DUT: variants seen among roughly 807,000 people sequenced by gnomAD.
DUT encodes deoxyuridine triphosphatase, also known as deoxyuridine 5'-triphosphate nucleotidohydrolase, mitochondrial.
DUT carries 21 observed loss-of-function variants against 28.8 expected under a neutral mutation model. The observed-to-expected ratio is 0.73, with a 90% CI of 0.52 to 1.05. The LOEUF is 1.05. DUT is among the 50% of genes least tolerant of loss of function. DUT has a pLI of 0.00. For missense variants in DUT, 344 were observed against 351.8 expected, an observed-to-expected ratio of 0.98 and a Z score of 0.18; for synonymous variants, 147 against 143.7, an observed-to-expected ratio of 1.02 and a Z score of -0.17.
Position 48,331,732 on chromosome 15 carries a change from G to C in DUT, c.217G>C (p.Val73Leu). 6.9e-7 allele frequency: 1 copy of C among 1,453,618 alleles called. No individual in the cohort carries two copies. The highest frequency in any genetic ancestry group is 9.1e-7 in the Non-Finnish European group (1 of 1,104,030). 90.0% of individuals were successfully genotyped at this position (1,453,618 alleles called of 1,614,324 possible). The change falls in exon 1 of 7, where the codon GTC becomes CTC. Residue 73 changes from valine (V) to leucine (L), a missense_variant. Physicochemically the swap from Val to Leu is conservative, Grantham distance 32. Coordinates refer to ENST00000331200, the MANE Select transcript of DUT (RefSeq NM_001025248.2). ...LSQGCRGAST[V>L]GAAGWKGELP... ...CCAAGGCTGCCGCGGAGCCAGTACAGTCGGGGCCGCTGGCTGGAAGGGCGA... is the reference window on the plus strand; with the variant it reads ...CCAAGGCTGCCGCGGAGCCAGTACACTCGGGGCCGCTGGCTGGAAGGGCGA...
At chr15:48,331,102 C>T, upstream of DUT, 3 of 1,439,328 alleles carry the variant, frequency 2.1e-6, no homozygotes, top group East Asian at 2.6e-5. Context: ...GGCGCAATAA[C>T]TGTCACCGGC....
At chr15:48,333,394 G>C (rs927496466) in intron 2 of DUT, among the ~76,000 whole-genome samples, 9 of 152,108 alleles carry the variant, frequency 5.9e-5, no homozygotes, top group African/African-American at 1.9e-4. Context: ...GTATATTTTG[G>C]AGCACTTTCT....
intron 2 of DUT, among the ~76,000 whole-genome samples, chr15:48,332,933 C>A (rs186772745): frequency 2.8e-4 from 42 of 152,314 alleles, no homozygotes; most frequent in Non-Finnish European, 2.9e-5. Flanking sequence ...TAAAAACTTT[C>A]CGTATGCTGT....
Position 48,331,790 on chromosome 15 carries a change from G to T in DUT, c.275G>T (p.Gly92Val). Residue 92 changes from glycine to valine, a missense_variant, in exon 1 of 7, where the codon GGG (glycine) becomes GTG (valine). Transcript: ENST00000331200. ...LPKAGGSPAP[G>V]PETPAISPSK... The stretch of plus-strand genomic sequence containing the variant: ...AAGGCGGGGGGAAGCCCGGCGCCGG[G>T]GCCGGGTAGGAAAGGCGGGGGAGGG... 1 of 1,373,676 alleles carries T rather than the reference G, an allele frequency of 7.3e-7. No individual in the cohort carries two copies. The highest frequency in any genetic ancestry group is 3.0e-5 in the East Asian group (1 of 33,240). 85.1% of individuals were successfully genotyped at this position (1,373,676 alleles called of 1,614,324 possible). A position where few individuals can be genotyped will look rare whatever the true frequency, so the allele number is the denominator to read the frequency against.
intron 4 of DUT, among the ~76,000 whole-genome samples, chr15:48,336,990 C>T (rs891676934): frequency 3.9e-5 from 6 of 152,308 alleles, no homozygotes; most frequent in African/African-American, 1.2e-4. Flanking sequence ...CAACTAAACA[C>T]GTCCAGAATT....
chr15:48,334,585 A>G lies in DUT; in HGVS notation c.511+77A>G, dbSNP rs554271316. 4 of 1,088,304 alleles carry G rather than the reference A, an allele frequency of 3.7e-6. No homozygotes were observed. In the South Asian group the frequency reaches 5.9e-5, roughly 16 times the overall value. The allele number at this position is 1,088,304 out of a possible 1,614,324, so 67.4% of individuals were successfully genotyped here. On this transcript the variant is annotated intron_variant, in intron 3 of 6. Coordinates refer to ENST00000331200, the MANE Select transcript of DUT (RefSeq NM_001025248.2). ...GATTCTTCATGTTTCATTTGGGGTA[A>G]TAAGCAGGCAATATTGCTTGGGCTG...
chr15:48,340,411 C>T (rs1000625389), intron 4 of DUT, among the ~76,000 whole-genome samples: 15 of 152,078 alleles, frequency 9.9e-5, no homozygotes, highest in African/African-American at 3.4e-4. Context: ...GGAATTGTAA[C>T]ACTTCAAATG....
intron 4 of DUT, among the ~76,000 whole-genome samples, chr15:48,337,107 A>G (rs2042484175): frequency 2.6e-5 from 4 of 152,156 alleles, no homozygotes; most frequent in Admixed American, 1.3e-4. Context: ...GTGTCTCTCC[A>G]TAGTGTCACC....
intron 1 of DUT, 118 bp from the exon 2 acceptor site, chr15:48,332,150 G>C: frequency 7.0e-7 from 1 of 1,422,848 alleles, no homozygotes; most frequent in Non-Finnish European, 9.2e-7. Flanking sequence ...GGTGGGGCGG[G>C]GCTGGCGGGA....
At chr15:48,332,607 C>T (rs1451861279) in intron 2 of DUT, 1 of 704,430 alleles carries the variant, frequency 1.4e-6, no homozygotes, top group Middle Eastern at 2.3e-4. Flanking sequence ...AGTAAAATAG[C>T]TATACGGTGT....
intron 4 of DUT, among the ~76,000 whole-genome samples, chr15:48,339,039 A>G (rs1187194023): frequency 6.6e-6 from 1 of 152,102 alleles, no homozygotes; most frequent in Non-Finnish European, 1.5e-5. Context: ...TGGGAGAATC[A>G]CTTGAGGTTG....
Position 48,334,528 on chromosome 15 carries a change from G to T in DUT, c.511+20G>T. ...GAGTGGGTAAGTCATTTAAGAAACA[G>T]GTAACTATTTGTCAAGTTCTCCTTT... On this transcript the variant is annotated intron_variant, in intron 3 of 6. Coordinates refer to ENST00000331200, the MANE Select transcript of DUT (RefSeq NM_001025248.2). 6.5e-7 allele frequency: 1 copy of T among 1,545,186 alleles called. No individual in the cohort carries two copies.
intron 4 of DUT, chr15:48,340,360 CTG>C (rs921540737): frequency 1.3e-5 from 2 of 152,064 alleles, no homozygotes; most frequent in African/African-American, 2.4e-5. Flanking sequence ...CTATAATTGA[CTG>C]TGACGATAGT....
intron 1 of DUT, 157 bp from the exon 2 acceptor site, chr15:48,332,111 C>T (rs2042420737): frequency 7.2e-7 from 1 of 1,385,396 alleles, no homozygotes; most frequent in Non-Finnish European, 9.4e-7. Context: ...TCAGCCAGAA[C>T]TGTGGACTCG....
intron 4 of DUT, among the ~76,000 whole-genome samples, chr15:48,336,915 T>C (rs942281432): frequency 6.6e-6 from 1 of 152,210 alleles, no homozygotes; most frequent in Non-Finnish European, 1.5e-5. Context: ...CTCTGTGTGA[T>C]TCCAGCCTCC....
chr15:48,339,672 G>A (rs947790075), intron 4 of DUT, among the ~76,000 whole-genome samples: 1 of 152,118 alleles, frequency 6.6e-6, no homozygotes, highest in African/African-American at 2.4e-5. Context: ...TATTGGAATT[G>A]GTCAAGTTCA....
chr15:48,336,155 T>C (rs2042473322), intron 4 of DUT, 65 bp downstream of exon 4: 1 of 1,314,114 alleles, frequency 7.6e-7, no homozygotes, highest in Non-Finnish European at 1.0e-6. Flanking sequence ...TAAAAGGTAA[T>C]ATTCAAATGA....
rs2042550178 is a variant in DUT at position 48,342,484 on chromosome 15, T to C, written c.*406T>C. 6.6e-6 allele frequency: 1 copy of C among 152,590 alleles called. No individual in the cohort carries two copies. Among genetic ancestry groups the C allele is most frequent in the Non-Finnish European group, 1.5e-5 (1 of 68,312 alleles). 9.5% of individuals were successfully genotyped at this position (152,590 alleles called of 1,614,324 possible). On this transcript the variant is annotated 3_prime_UTR_variant, in exon 7 of 7. Transcript: ENST00000331200. ...TTTAAATCTTAAGCAATATTTTTTA[T>C]TCAGTAAACAAATTCTTTCACAAGG...
At chr15:48,339,703 G>C (rs1333841215) in intron 4 of DUT, among the ~76,000 whole-genome samples, 2 of 152,140 alleles carry the variant, frequency 1.3e-5, no homozygotes, top group Non-Finnish European at 2.9e-5. Flanking sequence ...GTTTCCTTCA[G>C]GCCCGACAGG....
Sources: allele counts gnomAD v4.1 joint callset (sites outside exome capture counted in the v4.1 genomes callset), GRCh38; gene constraint gnomAD v4.1.1; transcripts MANE v1.5; gene names NCBI Gene and HGNC (gene_info 2026-07-23, HGNC 2026-07-21).